Variants in TP63 observed in about 807,000 individuals in gnomAD.
TP63 encodes tumor protein 63.
TP63 carries 17 observed loss-of-function variants against 82.8 expected under a neutral mutation model. The observed-to-expected ratio is 0.21, with a 90% CI of 0.14 to 0.31. TP63 has a LOEUF of 0.31. Ranked by LOEUF, TP63 falls within the 10% of genes least tolerant of loss-of-function variation. The pLI, the probability that TP63 is intolerant of heterozygous loss-of-function variation, is 1.00. For missense variants in TP63, 648 were observed against 895.3 expected, an observed-to-expected ratio of 0.72 and a Z score of 3.52; for synonymous variants, 330 against 321.7, an observed-to-expected ratio of 1.03 and a Z score of -0.28.
At chr3:189,620,505 T>TCA in the TP63 span, among the ~76,000 whole-genome samples, 3 of 26,384 alleles carry the variant, frequency 1.1e-4, no homozygotes, top group Admixed American at 1.9e-3. Context: ...CAAGACTCCA[T>TCA]CAAAAAAAAA....
At chr3:189,857,833 A>T (rs1379811306) in intron 4 of TP63, among the ~76,000 whole-genome samples, 3 of 152,232 alleles carry the variant, frequency 2.0e-5, no homozygotes, top group Admixed American at 6.5e-5. Context: ...ACAACAAGAT[A>T]ACTGTTAGCG....
chr3:189,743,931 C>T (rs1365654898), intron 3 of TP63, among the ~76,000 whole-genome samples: 1 of 152,120 alleles, frequency 6.6e-6, no homozygotes, highest in Non-Finnish European at 1.5e-5. Flanking sequence ...CTGAGACTAA[C>T]ATAAGGAGCT....
chr3:189,829,832 G>C (rs1441214675), intron 4 of TP63: 1 of 289,442 alleles, frequency 3.5e-6, no homozygotes, highest in Admixed American at 5.1e-5. Flanking sequence ...TCAAATATTA[G>C]CCCTTTTAAT....
chr3:189,761,129 C>T (rs949373262), intron 3 of TP63, among the ~76,000 whole-genome samples: 8 of 152,144 alleles, frequency 5.3e-5, no homozygotes, highest in African/African-American at 1.9e-4. Flanking sequence ...CTCTGACATT[C>T]CCTGGAAACA....
At chr3:189,617,487 C>G in the TP63 span, among the ~76,000 whole-genome samples, 2 of 152,108 alleles carry the variant, frequency 1.3e-5, no homozygotes, top group African/African-American at 4.8e-5. Flanking sequence ...TGTCACCCTC[C>G]CATAATAGTT....
At chr3:189,655,186 A>G (rs1455057382) in intron 1 of TP63, among the ~76,000 whole-genome samples, 2 of 152,202 alleles carry the variant, frequency 1.3e-5, no homozygotes, top group Non-Finnish European at 2.9e-5. Flanking sequence ...AGTTTTAAAA[A>G]ATTATTTTAG....
chr3:189,692,419 C>T (rs1292619889), intron 1 of TP63, among the ~76,000 whole-genome samples: 1 of 151,102 alleles, frequency 6.6e-6, no homozygotes, highest in Non-Finnish European at 1.5e-5. Context: ...TTCTTCCTCT[C>T]TTCTCCTTTT....
chr3:189,847,352 A>C lies in TP63; in HGVS notation c.580-16880A>C, dbSNP rs115545889. ...CAGCCTGGGTGACAGAGCGAAGCTC[A>C]GTCTTAGAATAACAAAAATAATCAT... On this transcript the variant is annotated intron_variant, in intron 4 of 13. Coordinates refer to ENST00000264731, the MANE Select transcript of TP63 (RefSeq NM_003722.5). Among the ~76,000 whole-genome samples, 750 of 152,310 alleles carry C rather than the reference A, an allele frequency of 4.9e-3. 7 individuals carry two copies. The highest frequency in any genetic ancestry group is 0.017 in the African/African-American group (715 of 41,578).
chr3:189,636,182 G>T (rs1359619953), intron 1 of TP63, among the ~76,000 whole-genome samples: 1 of 152,128 alleles, frequency 6.6e-6, no homozygotes, highest in Non-Finnish European at 1.5e-5. Context: ...ACCGTGGTTA[G>T]CCAAAAGCAC....
At chr3:189,802,806 C>CTGTT (rs1223977373) in intron 3 of TP63, among the ~76,000 whole-genome samples, 2 of 152,154 alleles carry the variant, frequency 1.3e-5, no homozygotes, top group Non-Finnish European at 2.9e-5. Flanking sequence ...TTTGGGAATA[C>CTGTT]TGTTGTATCT....
At chr3:189,877,570 G>T (rs1719377754) in intron 10 of TP63, among the ~76,000 whole-genome samples, 1 of 152,126 alleles carries the variant, frequency 6.6e-6, no homozygotes, top group Non-Finnish European at 1.5e-5. Flanking sequence ...TGATAAAACA[G>T]ATCTGTGACA....
chr3:189,856,294 A>G (rs1469593890), intron 4 of TP63, among the ~76,000 whole-genome samples: 1 of 151,512 alleles, frequency 6.6e-6, no homozygotes, highest in Non-Finnish European at 1.5e-5. Context: ...TGTATTTGAT[A>G]TACTGGTTAT....
chr3:189,680,413 AGAGACCACCACCAAACTCATTTTAG>A (rs1276397178), intron 1 of TP63, among the ~76,000 whole-genome samples: 1 of 152,172 alleles, frequency 6.6e-6, no homozygotes, highest in Admixed American at 6.6e-5. Context: ...ATTGAAAAGG[AGAGACCACCACCAAACTCATTTTAG>A]GAGACCAGCA....
chr3:189,840,533 C>G (rs1327221805), intron 4 of TP63, among the ~76,000 whole-genome samples: 1 of 151,282 alleles, frequency 6.6e-6, no homozygotes, highest in African/African-American at 2.4e-5. Context: ...ACAGTAAGGA[C>G]TTGGAACATA....
At chr3:189,760,017 A>G (rs1223770758) in intron 3 of TP63, among the ~76,000 whole-genome samples, 1 of 152,198 alleles carries the variant, frequency 6.6e-6, no homozygotes, top group Non-Finnish European at 1.5e-5. Context: ...CCCATTCACT[A>G]TCACAAAAAC....
At chr3:189,718,099 G>A (rs1261334094) in intron 1 of TP63, among the ~76,000 whole-genome samples, 6 of 152,162 alleles carry the variant, frequency 3.9e-5, no homozygotes, top group Non-Finnish European at 8.8e-5. Context: ...TATATCACAA[G>A]CATCTACAAG....
chr3:189,740,805 A>G (rs916171016), intron 3 of TP63, among the ~76,000 whole-genome samples: 2 of 151,964 alleles, frequency 1.3e-5, no homozygotes, highest in Non-Finnish European at 2.9e-5. Context: ...TGTTTTTAGC[A>G]TGTATTGTCT....
chr3:189,653,436 G>A (rs1343914681), intron 1 of TP63, among the ~76,000 whole-genome samples: 1 of 152,110 alleles, frequency 6.6e-6, no homozygotes, highest in Non-Finnish European at 1.5e-5. Context: ...ATCAGATCCA[G>A]TGTTTATATA....
At chr3:189,618,488 T>C in the TP63 span, among the ~76,000 whole-genome samples, 5 of 152,218 alleles carry the variant, frequency 3.3e-5, no homozygotes, top group Non-Finnish European at 7.4e-5. Context: ...CCCCTGGCTG[T>C]GACTCTGACC....
Sources: gnomAD v4.1 joint callset for allele counts (sites outside exome capture counted in the v4.1 genomes callset) on GRCh38, gnomAD v4.1.1 for gene constraint, MANE v1.5 for transcripts, NCBI Gene and HGNC (gene_info 2026-07-23, HGNC 2026-07-21) for gene names.